Variants in BUB1B observed in about 807,000 individuals in gnomAD.
BUB1B encodes the protein BUB1 mitotic checkpoint serine/threonine kinase B.
BUB1B carries 86 observed loss-of-function variants against 137.7 expected under a neutral mutation model. The ratio of observed to expected loss-of-function variants is 0.62; its 90% CI spans 0.52 to 0.75. The LOEUF (loss-of-function observed/expected upper bound fraction) is 0.75. Ranked by LOEUF, BUB1B falls within the 30% of genes least tolerant of loss-of-function variation. The pLI is 0.00. For synonymous variants in BUB1B, 420 were observed against 417.9 expected (o/e 1.00, Z -0.06); for missense variants, 1,130 against 1,236.9 (o/e 0.91, Z 1.30).
intron 8 of BUB1B, among the ~76,000 whole-genome samples, chr15:40,190,645 TA>T (rs2037424999): frequency 6.6e-6 from 1 of 152,146 alleles, no homozygotes; most frequent in Non-Finnish European, 1.5e-5. Context: ...AAATAAAAGT[TA>T]AGAACTTTCA....
intron 5 of BUB1B, among the ~76,000 whole-genome samples, chr15:40,183,379 AAGTT>A (rs2037319838): frequency 6.6e-6 from 1 of 152,228 alleles, no homozygotes; most frequent in Admixed American, 6.5e-5. Context: ...TTCTAATAAA[AAGTT>A]AGTGGGAAAA....
Position 40,220,693 on chromosome 15 carries a change from T to C in BUB1B, c.3087T>C (p.Ser1029=). ...MNGVFDTTFQ[S]HLNKALWKVG... is the part of the protein sequence containing the mutation. The stretch of plus-strand genomic sequence containing the variant: ...GGGTTTTTGACACTACATTCCAAAG[T>C]CACCTGAACAAAGCCTTATGGAAGG... The change falls in exon 23 of 23, where the codon AGT becomes AGC. Residue 1029 remains serine, a synonymous_variant. Transcript: ENST00000287598. The C allele has an allele frequency of 6.2e-7, 1 of 1,614,192 alleles. No homozygotes were observed.
intron 20 of BUB1B, among the ~76,000 whole-genome samples, chr15:40,216,571 ATTTTT>A (rs71426368): frequency 1.4e-3 from 113 of 83,034 alleles, no homozygotes; most frequent in African/African-American, 5.9e-3. Flanking sequence ...ATATATATAT[ATTTTT>A]TTTTTTTTTT....
chr15:40,179,937 C>T (rs903908257), intron 5 of BUB1B, among the ~76,000 whole-genome samples: 2 of 149,502 alleles, frequency 1.3e-5, no homozygotes, highest in East Asian at 3.9e-4. Context: ...AAAACCCCAC[C>T]AGACAATATT....
intron 16 of BUB1B, among the ~76,000 whole-genome samples, chr15:40,209,076 G>A (rs1480725028): frequency 3.3e-5 from 5 of 152,084 alleles, no homozygotes; most frequent in Non-Finnish European, 1.5e-5. Flanking sequence ...CCCACTCCCT[G>A]GGATTATAGG....
chr15:40,200,387 T>C, intron 11 of BUB1B, 28 bp downstream of exon 11: 1 of 1,568,248 alleles, frequency 6.4e-7, no homozygotes, highest in Non-Finnish European at 8.8e-7. Context: ...GAAGGGACAA[T>C]GCATATAGGA....
In BUB1B at chr15:40,216,563, ATATATATATTTTTT is replaced by A. The variant is rs1414282206; in HGVS notation, c.2679-931_2679-918del. Reference sequence around the variant, plus strand: ...ATATATATACTATATATATATATATATATATATATTTTTTTTTTTTTTTAATTATAGTATAGTTT... The same window carrying A: ...ATATATATACTATATATATATATATATTTTTTTTTAATTATAGTATAGTTT... On this transcript the variant is annotated intron_variant, in intron 20 of 22. Transcript: ENST00000287598. Among the ~76,000 whole-genome samples the A allele has an allele frequency of 8.7e-3, 799 of 91,924 alleles. 11 individuals carry two copies. The highest frequency in any genetic ancestry group is 0.028 in the African/African-American group (767 of 27,432). 60.3% of individuals were successfully genotyped at this position (91,924 alleles called of 152,430 possible).
intron 15 of BUB1B, among the ~76,000 whole-genome samples, 154 bp from the exon 16 acceptor site, chr15:40,208,483 A>G (rs1389244272): frequency 6.6e-6 from 1 of 152,216 alleles, no homozygotes; most frequent in East Asian, 1.9e-4. Flanking sequence ...GGTTGCAGTG[A>G]GCCAAGATCA....
intron 21 of BUB1B, 61 bp from the exon 22 acceptor site, chr15:40,218,395 A>G: frequency 1.6e-6 from 2 of 1,264,792 alleles, no homozygotes; most frequent in Non-Finnish European, 2.3e-6. Flanking sequence ...TCCTACCGAA[A>G]TAAGCTGCCA....
chr15:40,199,582 G>GAAT (rs752605584), intron 9 of BUB1B, 33 bp from the exon 10 acceptor site: 19 of 1,560,888 alleles, frequency 1.2e-5, no homozygotes. Context: ...TTACTATGAG[G>GAAT]AATAATACCT....
chr15:40,219,866 T>A (rs996979541), intron 22 of BUB1B, among the ~76,000 whole-genome samples: 1 of 152,224 alleles, frequency 6.6e-6, no homozygotes. Context: ...TTTGAATAAT[T>A]GAATTGTACT....
chr15:40,195,031 G>T (rs559102359), intron 8 of BUB1B, among the ~76,000 whole-genome samples: 1 of 152,114 alleles, frequency 6.6e-6, no homozygotes, highest in South Asian at 2.1e-4. Flanking sequence ...GTGGTGTTTG[G>T]TTACACAAAT....
chr15:40,218,576 A>C lies in BUB1B; in HGVS notation c.2957+14A>C. ...AAATATTTCTGAGTAAGTATTGATGAATGTCAGGGTCTCTGCCTGTCCCAA... is the reference window on the plus strand; with the variant it reads ...AAATATTTCTGAGTAAGTATTGATGCATGTCAGGGTCTCTGCCTGTCCCAA... On this transcript the variant is annotated intron_variant, in intron 22 of 22. Transcript: ENST00000287598. 1.9e-6 allele frequency: 3 copies of C among 1,553,876 alleles called. No homozygotes were observed. The highest frequency in any genetic ancestry group is 2.7e-6 in the Non-Finnish European group (3 of 1,125,346).
At chr15:40,181,258 A>G (rs2037289570) in intron 5 of BUB1B, among the ~76,000 whole-genome samples, 1 of 151,312 alleles carries the variant, frequency 6.6e-6, no homozygotes, top group Admixed American at 6.6e-5. Flanking sequence ...TACCCAGCTA[A>G]TTTTCTATTT....
At chr15:40,188,920 G>A (rs1187133220) in intron 8 of BUB1B, among the ~76,000 whole-genome samples, 2 of 151,266 alleles carry the variant, frequency 1.3e-5, no homozygotes, top group Admixed American at 6.6e-5. Flanking sequence ...AAACTTCATC[G>A]AAATATAATT....
At chr15:40,212,437 C>T in intron 18 of BUB1B, 62 bp from the exon 19 acceptor site, 6 of 1,351,432 alleles carry the variant, frequency 4.4e-6, no homozygotes, top group South Asian at 3.5e-5. Flanking sequence ...GAATGTGTTT[C>T]AACCTGCCAG....
At chr15:40,202,308 G>T in intron 12 of BUB1B, 97 bp from the exon 13 acceptor site, 2 of 1,103,652 alleles carry the variant, frequency 1.8e-6, no homozygotes, top group East Asian at 2.4e-5. Context: ...TTGCCTTCCT[G>T]CTTTCAAACA....
At chr15:40,185,485 AT>A in intron 7 of BUB1B, 65 bp from the exon 8 acceptor site, 7 of 1,584,254 alleles carry the variant, frequency 4.4e-6, no homozygotes, top group Non-Finnish European at 6.1e-6. Flanking sequence ...ATATTTAGCC[AT>A]GGTCTATATA....
chr15:40,196,747 C>T lies in BUB1B; in HGVS notation c.1261C>T (p.Arg421Trp), dbSNP rs201251790. Residue 421 changes from arginine (R) to tryptophan (W), a missense_variant, in exon 9 of 23, where the codon CGG (arginine) becomes TGG (tryptophan). Transcript: ENST00000287598. ...TGAAGAAATTCGGGCTGAAGTTTTC[C>T]GGAAGAAATTAAAAGAGCAAAGGGA... Reference protein sequence around the residue: ...SFEEIRAEVFRKKLKEQREAE... With the variant: ...SFEEIRAEVFWKKLKEQREAE... 199 of 1,613,792 alleles carry T rather than the reference C, an allele frequency of 1.2e-4. No homozygotes were observed. The highest frequency in any genetic ancestry group is 2.3e-4 in the Admixed American group (14 of 59,990).
Sources: allele counts gnomAD v4.1 joint callset (sites outside exome capture counted in the v4.1 genomes callset), GRCh38; gene constraint gnomAD v4.1.1; transcripts MANE v1.5; gene names NCBI Gene and HGNC (gene_info 2026-07-23, HGNC 2026-07-21).